PDE4D: variants seen among roughly 807,000 people sequenced by gnomAD.
The protein encoded by PDE4D is phosphodiesterase 4D, also known as 3',5'-cyclic-AMP phosphodiesterase 4D.
PDE4D carries 24 observed loss-of-function variants against 87.4 expected under a neutral mutation model. The ratio of observed to expected loss-of-function variants is 0.27; its 90% CI spans 0.20 to 0.39. PDE4D has a LOEUF of 0.39. PDE4D is among the 10% of genes least tolerant of loss of function. The pLI, the probability that PDE4D is intolerant of heterozygous loss-of-function variation, is 1.00. For missense variants in PDE4D, 714 were observed against 1,041.0 expected, an observed-to-expected ratio of 0.69 and a Z score of 4.32; for synonymous variants, 384 against 383.2, an observed-to-expected ratio of 1.00 and a Z score of -0.02.
intron 1 of PDE4D, among the ~76,000 whole-genome samples, chr5:60,275,390 CAA>C (rs1751260846): frequency 6.6e-6 from 1 of 151,910 alleles, no homozygotes; most frequent in Admixed American, 6.6e-5. Context: ...TTTGATTAAT[CAA>C]AAGAGAAAGA....
chr5:59,522,120 T>A (rs1270907877), intron 1 of PDE4D, among the ~76,000 whole-genome samples: 1 of 152,182 alleles, frequency 6.6e-6, no homozygotes, highest in Non-Finnish European at 1.5e-5. Flanking sequence ...AGAGTTCACA[T>A]AAAGCATATT....
chr5:59,378,980 TTGTG>T (rs3061658), intron 1 of PDE4D, among the ~76,000 whole-genome samples: 2,023 of 149,138 alleles, frequency 0.014, 33 homozygotes, highest in African/African-American at 0.042. Context: ...GTGTGTGTGT[TTGTG>T]TGTGTGTGTG....
At chr5:59,788,117 G>A (rs575420410) in intron 1 of PDE4D, among the ~76,000 whole-genome samples, 1 of 152,176 alleles carries the variant, frequency 6.6e-6, no homozygotes, top group East Asian at 1.9e-4. Flanking sequence ...ATTCTAGTAT[G>A]GTGTATCTCT....
At chr5:59,024,419 T>C (rs1755833620) in intron 6 of PDE4D, among the ~76,000 whole-genome samples, 1 of 151,412 alleles carries the variant, frequency 6.6e-6, no homozygotes, top group Admixed American at 6.6e-5. Context: ...AGCTAGTCTC[T>C]AACTCCTGAC....
At chr5:59,189,975 T>C (rs1743940432) in intron 3 of PDE4D, among the ~76,000 whole-genome samples, 2 of 152,218 alleles carry the variant, frequency 1.3e-5, no homozygotes, top group Non-Finnish European at 2.9e-5. Context: ...TGAAAATTAC[T>C]ATCCAAGATG....
chr5:59,624,005 ATTT>A (rs920435727), intron 1 of PDE4D, among the ~76,000 whole-genome samples: 2 of 150,360 alleles, frequency 1.3e-5, no homozygotes, highest in African/African-American at 5.0e-5. Context: ...TGGCCTTACT[ATTT>A]TTTATCACTT....
intron 1 of PDE4D, among the ~76,000 whole-genome samples, chr5:59,529,604 GTT>G (rs1813792303): frequency 6.6e-6 from 1 of 152,140 alleles, no homozygotes; most frequent in African/African-American, 2.4e-5. Flanking sequence ...CAACAAAAAA[GTT>G]TGTTTCCTTC....
intron 3 of PDE4D, among the ~76,000 whole-genome samples, chr5:59,957,486 T>C (rs1485202007): frequency 3.9e-5 from 6 of 152,060 alleles, no homozygotes; most frequent in Non-Finnish European, 1.5e-5. Context: ...TTCTTTTATC[T>C]GAAAATGTTA....
At chr5:60,421,185 T>C (rs1400067048) in intron 1 of PDE4D, among the ~76,000 whole-genome samples, 4 of 152,086 alleles carry the variant, frequency 2.6e-5, no homozygotes, top group Non-Finnish European at 5.9e-5. Flanking sequence ...GAGCAGTGGT[T>C]CTCCCAGCAT....
chr5:59,269,219 T>C (rs1176302085), intron 1 of PDE4D, among the ~76,000 whole-genome samples: 1 of 152,130 alleles, frequency 6.6e-6, no homozygotes, highest in Non-Finnish European at 1.5e-5. Context: ...AAGAAGCGTC[T>C]TGCTTCTGAA....
chr5:59,818,235 A>G (rs1304115419), intron 1 of PDE4D, among the ~76,000 whole-genome samples: 1 of 152,246 alleles, frequency 6.6e-6, no homozygotes, highest in Non-Finnish European at 1.5e-5. Flanking sequence ...GTGATCGCCT[A>G]GCTGTGTGAG....
chr5:59,053,220 G>A (rs901452764), intron 5 of PDE4D, among the ~76,000 whole-genome samples: 5 of 152,048 alleles, frequency 3.3e-5, no homozygotes, highest in Admixed American at 6.6e-5. Context: ...AATCTGGATA[G>A]GTCTTGCCAT....
chr5:59,274,377 T>C (rs1250161344), intron 1 of PDE4D, among the ~76,000 whole-genome samples: 1 of 152,154 alleles, frequency 6.6e-6, no homozygotes, highest in Admixed American at 6.6e-5. Context: ...AAACACAAGC[T>C]AAATTCCTGA....
intron 1 of PDE4D, among the ~76,000 whole-genome samples, chr5:60,449,137 A>G (rs371411368): frequency 1.3e-5 from 2 of 151,106 alleles, no homozygotes; most frequent in East Asian, 1.9e-4. Flanking sequence ...TTAAACACAG[A>G]AACCATTAAT....
intron 1 of PDE4D, among the ~76,000 whole-genome samples, chr5:59,311,165 C>T (rs899030808): frequency 6.6e-6 from 1 of 151,984 alleles, no homozygotes; most frequent in Non-Finnish European, 1.5e-5. Flanking sequence ...CTGGTTTATT[C>T]CAGAACTCCA....
chr5:59,379,813 T>C lies in PDE4D; in HGVS notation c.456-163845A>G, dbSNP rs532910621. Among the ~76,000 whole-genome samples the C allele has an allele frequency of 3.9e-5, 6 of 152,122 alleles. No homozygotes were observed. In the South Asian group the frequency reaches 1.2e-3, roughly 31 times the overall value. On this transcript the variant is annotated intron_variant, in intron 1 of 14. Transcript: ENST00000340635. The stretch of plus-strand genomic sequence containing the variant: ...ATATCTACAAGCAGAATTACTAAAT[T>C]AAGAGGTAGGATTTTAAAAATATCA...
At chr5:59,492,877 GCTCT>G (rs972467800) in intron 1 of PDE4D, among the ~76,000 whole-genome samples, 1 of 152,126 alleles carries the variant, frequency 6.6e-6, no homozygotes, top group Admixed American at 6.5e-5. Context: ...CCCTGCACAA[GCTCT>G]CTCTTTTTGC....
At chr5:59,044,370 G>A (rs902946868) in intron 5 of PDE4D, among the ~76,000 whole-genome samples, 1 of 152,154 alleles carries the variant, frequency 6.6e-6, no homozygotes, top group Non-Finnish European at 1.5e-5. Context: ...GCTCCTAAGA[G>A]CAAATACTTA....
intron 1 of PDE4D, among the ~76,000 whole-genome samples, chr5:59,669,369 C>T (rs1464587568): frequency 1.3e-5 from 2 of 152,196 alleles, no homozygotes; most frequent in Non-Finnish European, 2.9e-5. Context: ...GCCTCGGCCT[C>T]CCAAAATGCT....
Sources: allele counts gnomAD v4.1 joint callset (sites outside exome capture counted in the v4.1 genomes callset), GRCh38; gene constraint gnomAD v4.1.1; transcripts MANE v1.5; gene names NCBI Gene and HGNC (gene_info 2026-07-23, HGNC 2026-07-21).